Variants in JAKMIP1 observed in about 807,000 individuals in gnomAD.
The protein encoded by JAKMIP1 is janus kinase and microtubule interacting protein 1.
A neutral mutation model predicts 113.0 loss-of-function variants in JAKMIP1; 33 were observed. The observed-to-expected ratio is 0.29, with a 90% CI of 0.22 to 0.39. The LOEUF is 0.39. Ranked by LOEUF, JAKMIP1 falls within the 10% of genes least tolerant of loss-of-function variation. The pLI, the probability that JAKMIP1 is intolerant of heterozygous loss-of-function variation, is 1.00. For missense variants in JAKMIP1, 813 were observed against 1,080.5 expected (o/e 0.75, Z 3.47); for synonymous variants, 480 against 459.9 (o/e 1.04, Z -0.56).
rs546526262 is a variant in JAKMIP1 at position 6,091,425 on chromosome 4, G to T, written c.625-5796C>A. ...TATAACAGAAGAACACATTTTACAA[G>T]TATCCTATTACAGAAACTATAAGCT... On this transcript the variant is annotated intron_variant, in intron 3 of 20. Coordinates refer to ENST00000409021, the MANE Select transcript of JAKMIP1 (RefSeq NM_001099433.2). Among the ~76,000 whole-genome samples, 13 of 152,288 alleles carry T rather than the reference G, an allele frequency of 8.5e-5. 1 individual carries two copies. The highest frequency in any genetic ancestry group is 3.1e-4 in the African/African-American group (13 of 41,564).
At position 6,140,754 on chromosome 4, in the gene JAKMIP1, T is replaced by C. The variant is rs906590836; in HGVS notation, c.-147-27757A>G. 6.6e-6 allele frequency among the ~76,000 whole-genome samples: 1 copy of C among 152,204 alleles called. No homozygotes were observed. Among genetic ancestry groups the C allele is most frequent in the Non-Finnish European group, 1.5e-5 (1 of 68,048 alleles). Reference sequence around the variant, plus strand: ...ATAACTTGGTAGAATAATATTTCTCTCGTCTGGTGTCATCCTTTGGGCAAT... The same window carrying C: ...ATAACTTGGTAGAATAATATTTCTCCCGTCTGGTGTCATCCTTTGGGCAAT... On this transcript the variant is annotated intron_variant, in intron 1 of 20. Coordinates refer to ENST00000409021, the MANE Select transcript of JAKMIP1 (RefSeq NM_001099433.2). The surrounding 1 kb of genome is among the most constrained non-coding windows in gnomAD (Gnocchi z 9.4).
intron 2 of JAKMIP1, among the ~76,000 whole-genome samples, chr4:6,112,133 G>A (rs548146249): frequency 6.6e-6 from 1 of 152,304 alleles, no homozygotes; most frequent in South Asian, 2.1e-4. Flanking sequence ...TCATGCATGA[G>A]TTCCTATATG....
At chr4:6,164,059 A>C (rs1457161891) in intron 1 of JAKMIP1, among the ~76,000 whole-genome samples, 2 of 152,262 alleles carry the variant, frequency 1.3e-5, no homozygotes, top group African/African-American at 4.8e-5. Context: ...AGCTAACATC[A>C]TTCATGAAGG....
rs116694135 is a variant in JAKMIP1, at chr4:6,097,582, C to G, written c.624+7891G>C. 0.014 allele frequency among the ~76,000 whole-genome samples: 2,205 copies of G among 152,270 alleles called. 56 individuals are homozygous for G. Among genetic ancestry groups the G allele is most frequent in the African/African-American group, 0.046 (1,929 of 41,538 alleles). On this transcript the variant is annotated intron_variant, in intron 3 of 20. Transcript: ENST00000409021. This position sits in a 1 kb window ranked among gnomAD's most constrained non-coding sequence, Gnocchi z 4.3. ...CCACTTGTGACTTCATGTTGGCACT[C>G]ACAGAGTTTCAGATTTTGGAGCATT...
In JAKMIP1 at chr4:6,136,855, G is replaced by C. The variant is rs1481623603; in HGVS notation, c.-147-23858C>G. ...AGCAAAAAGCTAGTTACCAGCAGCGGCACTACCCATCACATAACAGGCATT... is the reference window on the plus strand; with the variant it reads ...AGCAAAAAGCTAGTTACCAGCAGCGCCACTACCCATCACATAACAGGCATT... On this transcript the variant is annotated intron_variant, in intron 1 of 20. Coordinates refer to ENST00000409021, the MANE Select transcript of JAKMIP1 (RefSeq NM_001099433.2). This position sits in a 1 kb window ranked among gnomAD's most constrained non-coding sequence, Gnocchi z 5.9. Among the ~76,000 whole-genome samples, 3 of 152,182 alleles carry C rather than the reference G, an allele frequency of 2.0e-5. No individual in the cohort carries two copies. The highest frequency in any genetic ancestry group is 4.4e-5 in the Non-Finnish European group (3 of 68,036).
In JAKMIP1 at chr4:6,183,857, A is replaced by T. The variant is rs546903124; in HGVS notation, c.-148+16396T>A. ...GCACTCTGAGAATGCAAGACAAGTC[A>T]CTCCCAAAAACGGAATCACAAATGC... On this transcript the variant is annotated intron_variant, in intron 1 of 20. Coordinates refer to ENST00000409021, the MANE Select transcript of JAKMIP1 (RefSeq NM_001099433.2). The surrounding 1 kb of genome is among the most constrained non-coding windows in gnomAD (Gnocchi z 5.3). Among the ~76,000 whole-genome samples the T allele has an allele frequency of 2.2e-4, 33 of 152,218 alleles. No individual in the cohort carries two copies. Among genetic ancestry groups the T allele is most frequent in the Non-Finnish European group, 3.8e-4 (26 of 68,014 alleles).
In JAKMIP1 at chr4:6,143,054, A is replaced by G. The variant is rs1471754016; in HGVS notation, c.-147-30057T>C. Among the ~76,000 whole-genome samples the G allele has an allele frequency of 6.6e-6, 1 of 152,092 alleles. No homozygotes were observed. The highest frequency in any genetic ancestry group is 1.5e-5 in the Non-Finnish European group (1 of 68,014). Reference sequence around the variant, plus strand: ...ACTCTGGAAGGCTGAAGTTCAACACAGACTCTGGCTCTGCCTCACTGTGTG... The same window carrying G: ...ACTCTGGAAGGCTGAAGTTCAACACGGACTCTGGCTCTGCCTCACTGTGTG... On this transcript the variant is annotated intron_variant, in intron 1 of 20. Transcript: ENST00000409021. This position sits in a 1 kb window ranked among gnomAD's most constrained non-coding sequence, Gnocchi z 4.9.
intron 2 of JAKMIP1, among the ~76,000 whole-genome samples, chr4:6,110,266 C>T (rs1478510126): frequency 6.6e-6 from 1 of 152,074 alleles, no homozygotes; most frequent in Admixed American, 6.6e-5. Flanking sequence ...CAGACATGGA[C>T]AAACACAGAG....
intron 12 of JAKMIP1, 96 bp from the exon 13 acceptor site, chr4:6,054,244 C>T (rs9995294): frequency 7.3e-6 from 9 of 1,232,656 alleles, no homozygotes; most frequent in East Asian, 2.3e-5. Flanking sequence ...GGGAAACAGA[C>T]GACTGGCCAC....
At chr4:6,096,650 T>C (rs1711823566) in intron 3 of JAKMIP1, among the ~76,000 whole-genome samples, 1 of 152,228 alleles carries the variant, frequency 6.6e-6, no homozygotes. Context: ...GAGTATAAAA[T>C]TCCCACATAA....
intron 3 of JAKMIP1, among the ~76,000 whole-genome samples, chr4:6,087,538 T>G (rs547817614): frequency 2.0e-5 from 3 of 151,948 alleles, no homozygotes; most frequent in African/African-American, 7.3e-5. Context: ...AAAAATAACA[T>G]AGAGATGAGA....
At position 6,080,549 on chromosome 4, in the gene JAKMIP1, C is replaced by T. The variant is rs544293744; in HGVS notation, c.1102-237G>A. Among the ~76,000 whole-genome samples, 26 of 152,116 alleles carry T rather than the reference C, an allele frequency of 1.7e-4. No homozygotes were observed. The highest frequency in any genetic ancestry group is 2.9e-5 in the Non-Finnish European group (2 of 67,998). The stretch of plus-strand genomic sequence containing the variant: ...GTGGGAGATCATTGAATCATGGTGG[C>T]GGTTTCTCTCATACTATTCTCGTGG... On this transcript the variant is annotated intron_variant, in intron 6 of 20. Transcript: ENST00000409021. This position sits in a 1 kb window ranked among gnomAD's most constrained non-coding sequence, Gnocchi z 6.0.
Position 6,150,143 on chromosome 4 carries a change from G to A in JAKMIP1, c.-147-37146C>T, listed in dbSNP as rs920059629. ...GAATGATACAGGTAGTGCCCCCTTC[G>A]GCTACTTCCCCACAGCACAGAACAT... On this transcript the variant is annotated intron_variant, in intron 1 of 20. Coordinates refer to ENST00000409021, the MANE Select transcript of JAKMIP1 (RefSeq NM_001099433.2). The surrounding 1 kb of genome is among the most constrained non-coding windows in gnomAD (Gnocchi z 4.8). Among the ~76,000 whole-genome samples, 11 of 152,204 alleles carry A rather than the reference G, an allele frequency of 7.2e-5. No individual in the cohort carries two copies. In the East Asian group the frequency reaches 1.4e-3, roughly 19 times the overall value.
Position 6,088,642 on chromosome 4 carries a change from A to G in JAKMIP1, c.625-3013T>C, listed in dbSNP as rs1341705052. ...CCAATGCAGAACACATTCCGGAGCC[A>G]GCATGAGAGTCCTGAGGCCCCAGAG... On this transcript the variant is annotated intron_variant, in intron 3 of 20. Transcript: ENST00000409021. This position sits in a 1 kb window ranked among gnomAD's most constrained non-coding sequence, Gnocchi z 5.5. Among the ~76,000 whole-genome samples the G allele has an allele frequency of 6.6e-6, 1 of 152,216 alleles. No individual in the cohort carries two copies. The highest frequency in any genetic ancestry group is 1.5e-5 in the Non-Finnish European group (1 of 68,038).
Position 6,059,185 on chromosome 4 carries a change from G to C in JAKMIP1, c.1644+1239C>G, listed in dbSNP as rs530313781. On this transcript the variant is annotated intron_variant, in intron 11 of 20. Transcript: ENST00000409021. This position sits in a 1 kb window ranked among gnomAD's most constrained non-coding sequence, Gnocchi z 4.8. ...ACCACAGTTTAGAGAAGCCATTCCA[G>C]AGGGCTGGGCACTCACATTCCCCCA... Among the ~76,000 whole-genome samples, 4 of 152,308 alleles carry C rather than the reference G, an allele frequency of 2.6e-5. No homozygotes were observed. The South Asian group carries it at 6.2e-4, about 24-fold the overall frequency.
Position 6,097,742 on chromosome 4 carries a change from T to G in JAKMIP1, c.624+7731A>C, listed in dbSNP as rs1178412460. Among the ~76,000 whole-genome samples the G allele has an allele frequency of 1.3e-5, 2 of 152,232 alleles. No individual in the cohort carries two copies. Among genetic ancestry groups the G allele is most frequent in the South Asian group, 4.1e-4 (2 of 4,828 alleles). On this transcript the variant is annotated intron_variant, in intron 3 of 20. Coordinates refer to ENST00000409021, the MANE Select transcript of JAKMIP1 (RefSeq NM_001099433.2). The surrounding 1 kb of genome is among the most constrained non-coding windows in gnomAD (Gnocchi z 4.3). ...CAATAAGAAGCGTTCATTCTCATCATCATTTGACAAATGGTGTGAGTCAAC... is the reference window on the plus strand; with the variant it reads ...CAATAAGAAGCGTTCATTCTCATCAGCATTTGACAAATGGTGTGAGTCAAC...
chr4:6,119,947 T>G (rs6850782), intron 1 of JAKMIP1, among the ~76,000 whole-genome samples: 1 of 152,232 alleles, frequency 6.6e-6, no homozygotes, highest in African/African-American at 2.4e-5. Context: ...TCAAGTAACA[T>G]AGGCACAAAA....
At chr4:6,169,372 T>C (rs1162093837) in intron 1 of JAKMIP1, among the ~76,000 whole-genome samples, 2 of 151,954 alleles carry the variant, frequency 1.3e-5, no homozygotes, top group African/African-American at 2.4e-5. Context: ...GGAGTCCACA[T>C]GACGATGGAG....
At chr4:6,189,747 A>T (rs908921980) in intron 1 of JAKMIP1, among the ~76,000 whole-genome samples, 3 of 149,714 alleles carry the variant, frequency 2.0e-5, no homozygotes, top group African/African-American at 7.6e-5. Flanking sequence ...GCCTGGCCCT[A>T]CCTGGCCCAG....
Sources: allele counts gnomAD v4.1 joint callset (sites outside exome capture counted in the v4.1 genomes callset), GRCh38; gene constraint gnomAD v4.1.1; non-coding constraint Gnocchi (gnomAD v3.1); transcripts MANE v1.5; gene names NCBI Gene and HGNC (gene_info 2026-07-23, HGNC 2026-07-21).